Variants in KCNJ6 observed in about 807,000 individuals in gnomAD.
The protein encoded by KCNJ6 is G protein-activated inward rectifier potassium channel 2.
Under a neutral mutation model 34.2 loss-of-function variants are expected in KCNJ6, and 9 were observed. The observed-to-expected ratio is 0.26, with a 90% CI of 0.16 to 0.46. The LOEUF is 0.46. Ranked by LOEUF, KCNJ6 falls within the 20% of genes least tolerant of loss-of-function variation. KCNJ6 has a pLI of 1.00. For missense variants in KCNJ6, 236 were observed against 531.3 expected (o/e 0.44, Z 5.46); for synonymous variants, 196 against 207.1 (o/e 0.95, Z 0.46).
intron 3 of KCNJ6, among the ~76,000 whole-genome samples, chr21:37,631,451 C>T (rs2054333294): frequency 6.6e-6 from 1 of 151,994 alleles, no homozygotes; most frequent in Admixed American, 6.6e-5. Flanking sequence ...AGAGATGAGC[C>T]TTCTGGGGCT....
intron 2 of KCNJ6, among the ~76,000 whole-genome samples, chr21:37,808,603 T>C (rs2055305425): frequency 6.6e-6 from 1 of 152,248 alleles, no homozygotes; most frequent in Admixed American, 6.5e-5. Context: ...TGTTCTGCTT[T>C]AGGCCCTAGA....
In KCNJ6 at chr21:37,670,293, G is replaced by A. The variant is rs144702717; in HGVS notation, c.946+43918C>T. On this transcript the variant is annotated intron_variant, in intron 3 of 3. Transcript: ENST00000609713. ...GTTTTATAGTAAGTTTTGAAATGAG[G>A]AAGTGTGAATCTTCTAATTTTGTTC... Among the ~76,000 whole-genome samples, 22 of 152,248 alleles carry A rather than the reference G, an allele frequency of 1.4e-4. 1 individual carries two copies. Among genetic ancestry groups the A allele is most frequent in the Admixed American group, 1.3e-3 (20 of 15,296 alleles).
Position 37,714,683 on chromosome 21 carries a change from C to T in KCNJ6, c.474G>A (p.Arg158=). The change falls in exon 3 of 4, where the codon CGG becomes CGA. Residue 158 remains arginine (R), a synonymous_variant. Coordinates refer to ENST00000609713, the MANE Select transcript of KCNJ6 (RefSeq NM_002240.5). The surrounding 1 kb of genome is among the most constrained non-coding windows in gnomAD (Gnocchi z 5.9). ...ETETTIGYGY[R]VITDKCPEGI... Reference sequence around the variant, plus strand: ...CCTCTGGGCATTTATCTGTGATGACCCGGTAGCCATAACCAATGGTGGTTT... The same window carrying T: ...CCTCTGGGCATTTATCTGTGATGACTCGGTAGCCATAACCAATGGTGGTTT... The T allele has an allele frequency of 6.2e-7, 1 of 1,614,084 alleles. No individual in the cohort carries two copies. The highest frequency in any genetic ancestry group is 2.2e-5 in the East Asian group (1 of 44,882).
At chr21:37,862,388 C>T (rs972947445) in intron 1 of KCNJ6, among the ~76,000 whole-genome samples, 1 of 152,240 alleles carries the variant, frequency 6.6e-6, no homozygotes, top group African/African-American at 2.4e-5. Flanking sequence ...TACACACAGG[C>T]ATGCATGCAT....
intron 3 of KCNJ6, among the ~76,000 whole-genome samples, chr21:37,659,365 C>T (rs747833933): frequency 5.9e-5 from 9 of 152,142 alleles, no homozygotes; most frequent in Non-Finnish European, 1.2e-4. Context: ...AACATCCTCG[C>T]GGACAGCAAA....
intron 2 of KCNJ6, among the ~76,000 whole-genome samples, chr21:37,793,489 T>A (rs74679258): frequency 7.4e-6 from 1 of 135,570 alleles, no homozygotes; most frequent in African/African-American, 2.8e-5. Flanking sequence ...AGAGCTATTG[T>A]GAACCAAGAT....
intron 3 of KCNJ6, among the ~76,000 whole-genome samples, chr21:37,686,875 G>T (rs1030498605): frequency 6.6e-6 from 1 of 152,060 alleles, no homozygotes; most frequent in South Asian, 2.1e-4. Flanking sequence ...GGCTTGACAG[G>T]AAGGAAGGCA....
chr21:37,886,654 A>C (rs1408627814), intron 1 of KCNJ6, among the ~76,000 whole-genome samples: 1 of 152,212 alleles, frequency 6.6e-6, no homozygotes, highest in Non-Finnish European at 1.5e-5. Flanking sequence ...CGCTGAAGGA[A>C]GCTGAAATTG....
chr21:37,621,289 C>G lies in KCNJ6; in HGVS notation c.*3870G>C, dbSNP rs975408876. 1 of 152,162 alleles carries G rather than the reference C, an allele frequency of 6.6e-6. No homozygotes were observed. Among genetic ancestry groups the G allele is most frequent in the Non-Finnish European group, 1.5e-5 (1 of 68,024 alleles). 9.4% of individuals were successfully genotyped at this position (152,162 alleles called of 1,614,324 possible). On this transcript the variant is annotated 3_prime_UTR_variant, in exon 4 of 4. Coordinates refer to ENST00000609713, the MANE Select transcript of KCNJ6 (RefSeq NM_002240.5). ...TTACTATGAGTATTTTAATTGTATT[C>G]TCTCAGCAAATCAAATGATTTCCCA... is the stretch of plus-strand genomic sequence containing the variant.
intron 1 of KCNJ6, among the ~76,000 whole-genome samples, chr21:37,866,241 T>C (rs916505832): frequency 1.3e-5 from 2 of 152,216 alleles, no homozygotes; most frequent in Non-Finnish European, 2.9e-5. Flanking sequence ...CCTTCAGGCT[T>C]TAAGACTTGC....
At chr21:37,770,737 A>G (rs1381111356) in intron 2 of KCNJ6, among the ~76,000 whole-genome samples, 1 of 152,244 alleles carries the variant, frequency 6.6e-6, no homozygotes, top group Non-Finnish European at 1.5e-5. Context: ...AGGTAGTTAC[A>G]TCAGCTATGA....
chr21:37,905,520 A>C (rs754134937), intron 1 of KCNJ6, among the ~76,000 whole-genome samples: 1 of 152,184 alleles, frequency 6.6e-6, no homozygotes, highest in Non-Finnish European at 1.5e-5. Context: ...CTCATAGGAA[A>C]GCCCTCTTTC....
At chr21:37,747,650 A>T (rs948112312) in intron 2 of KCNJ6, among the ~76,000 whole-genome samples, 6 of 152,034 alleles carry the variant, frequency 3.9e-5, no homozygotes, top group African/African-American at 1.4e-4. Flanking sequence ...AGGGAGAACG[A>T]GAGAGATGGC....
At chr21:37,830,464 G>A in intron 2 of KCNJ6, among the ~76,000 whole-genome samples, 1 of 152,138 alleles carries the variant, frequency 6.6e-6, no homozygotes, top group Admixed American at 6.5e-5. Flanking sequence ...ATTTAGACAT[G>A]TCTGAAGTCA....
intron 1 of KCNJ6, among the ~76,000 whole-genome samples, chr21:37,884,911 C>CT (rs1024937051): frequency 9.2e-5 from 14 of 152,342 alleles, no homozygotes; most frequent in African/African-American, 3.4e-4. Flanking sequence ...TGCCCTCCTG[C>CT]TTCTCAACCT....
At chr21:37,909,611 C>A (rs1269670631) in intron 1 of KCNJ6, among the ~76,000 whole-genome samples, 1 of 152,154 alleles carries the variant, frequency 6.6e-6, no homozygotes, top group Non-Finnish European at 1.5e-5. Flanking sequence ...CTCAAGGGAT[C>A]CACCTGACTC....
At chr21:37,756,637 C>A (rs2055027288) in intron 2 of KCNJ6, among the ~76,000 whole-genome samples, 1 of 149,924 alleles carries the variant, frequency 6.7e-6, no homozygotes, top group African/African-American at 2.5e-5. Context: ...CCAGAGTGAG[C>A]ACTCCCTCAC....
chr21:37,637,075 A>C (rs748116763), intron 3 of KCNJ6, among the ~76,000 whole-genome samples: 3 of 152,230 alleles, frequency 2.0e-5, no homozygotes, highest in Non-Finnish European at 2.9e-5. Flanking sequence ...CATTCTCAAT[A>C]AGAACTGTGC....
Position 37,621,368 on chromosome 21 carries a change from C to G in KCNJ6, c.*3791G>C, listed in dbSNP as rs2123358032. The G allele has an allele frequency of 6.6e-6, 1 of 152,344 alleles. No individual in the cohort carries two copies. 9.4% of individuals were successfully genotyped at this position (152,344 alleles called of 1,614,324 possible). ...AATAGCATTCTTATGCCCCCTTTCT[C>G]TGTCCACCAGTTCCCACCTTTGTAA... On this transcript the variant is annotated 3_prime_UTR_variant, in exon 4 of 4. Coordinates refer to ENST00000609713, the MANE Select transcript of KCNJ6 (RefSeq NM_002240.5).
Sources: allele counts gnomAD v4.1 joint callset (sites outside exome capture counted in the v4.1 genomes callset), GRCh38; gene constraint gnomAD v4.1.1; non-coding constraint Gnocchi (gnomAD v3.1); transcripts MANE v1.5; gene names NCBI Gene and HGNC (gene_info 2026-07-23, HGNC 2026-07-21).